The following PCDH9 variants were observed in gnomAD, a reference collection of about 807,000 sequenced individuals.
PCDH9 encodes the protein protocadherin 9.
In PCDH9, 24 loss-of-function variants were observed where a neutral mutation model predicts 70.6. That is an observed-to-expected ratio of 0.34 (90% CI 0.25 to 0.48). The LOEUF is 0.48. Ranked by LOEUF, PCDH9 falls within the 20% of genes least tolerant of loss-of-function variation. The pLI, the probability that PCDH9 is intolerant of heterozygous loss-of-function variation, is 0.99. For missense variants in PCDH9, 1,281 were observed against 1,503.6 expected, an observed-to-expected ratio of 0.85 and a Z score of 2.45; for synonymous variants, 562 against 558.5, an observed-to-expected ratio of 1.01 and a Z score of -0.09.
chr13:66,836,699 G>A (rs1335966943), intron 3 of PCDH9, among the ~76,000 whole-genome samples: 1 of 152,110 alleles, frequency 6.6e-6, no homozygotes, highest in Non-Finnish European at 1.5e-5. Flanking sequence ...GAGTTTCTAG[G>A]GCTTTGTGGA....
chr13:66,937,435 G>A (rs972803579), intron 2 of PCDH9, among the ~76,000 whole-genome samples: 1 of 152,200 alleles, frequency 6.6e-6, no homozygotes, highest in African/African-American at 2.4e-5. Flanking sequence ...ACTATTTGAA[G>A]TTATATATTT....
At chr13:66,850,695 C>G (rs943524799) in intron 3 of PCDH9, among the ~76,000 whole-genome samples, 3 of 152,056 alleles carry the variant, frequency 2.0e-5, no homozygotes, top group Non-Finnish European at 4.4e-5. Context: ...AAAATATATT[C>G]CAGTGATTAT....
At chr13:66,503,600 T>C (rs1233013100) in intron 4 of PCDH9, among the ~76,000 whole-genome samples, 1 of 152,224 alleles carries the variant, frequency 6.6e-6, no homozygotes, top group African/African-American at 2.4e-5. Context: ...CAATAATGTC[T>C]GGGTGAATTG....
intron 3 of PCDH9, among the ~76,000 whole-genome samples, chr13:66,812,679 T>A (rs1158329667): frequency 6.6e-6 from 1 of 152,206 alleles, no homozygotes. Context: ...CAATGTTGTT[T>A]CCATGAGCAG....
intron 2 of PCDH9, among the ~76,000 whole-genome samples, chr13:67,012,424 C>A (rs371617602): frequency 2.6e-5 from 4 of 151,668 alleles, no homozygotes; most frequent in Non-Finnish European, 5.9e-5. Flanking sequence ...TAAGTTATTA[C>A]CAACAATATT....
At chr13:66,452,031 T>C (rs911325836) in intron 4 of PCDH9, among the ~76,000 whole-genome samples, 2 of 152,160 alleles carry the variant, frequency 1.3e-5, no homozygotes, top group African/African-American at 2.4e-5. Context: ...TTCTTTTAGG[T>C]CTCCATGACA....
At chr13:66,995,996 G>A (rs1483823822) in intron 2 of PCDH9, among the ~76,000 whole-genome samples, 1 of 150,982 alleles carries the variant, frequency 6.6e-6, no homozygotes, top group Non-Finnish European at 1.5e-5. Flanking sequence ...CAATTAATTC[G>A]GCTGATGGGC....
intron 3 of PCDH9, among the ~76,000 whole-genome samples, chr13:66,865,255 G>A (rs2081553444): frequency 6.6e-6 from 1 of 152,002 alleles, no homozygotes; most frequent in East Asian, 1.9e-4. Flanking sequence ...ACTCATTATG[G>A]GCATTAATGG....
At chr13:66,697,700 T>C (rs2078582958) in intron 3 of PCDH9, among the ~76,000 whole-genome samples, 1 of 152,124 alleles carries the variant, frequency 6.6e-6, no homozygotes, top group Non-Finnish European at 1.5e-5. Context: ...GCAATGAAAT[T>C]GCCTCTATAG....
chr13:66,505,977 A>G (rs146487951), intron 4 of PCDH9, among the ~76,000 whole-genome samples: 15 of 152,202 alleles, frequency 9.9e-5, no homozygotes, highest in Admixed American at 2.6e-4. Context: ...ATCTCTGATA[A>G]GACACATTTA....
At chr13:66,817,330 T>C (rs770745278) in intron 3 of PCDH9, among the ~76,000 whole-genome samples, 1 of 152,142 alleles carries the variant, frequency 6.6e-6, no homozygotes, top group African/African-American at 2.4e-5. Flanking sequence ...TAAAGGATAC[T>C]ATTTTATTTA....
intron 3 of PCDH9, among the ~76,000 whole-genome samples, chr13:66,759,003 A>T (rs1596126): frequency 0.26 from 40,180 of 151,712 alleles, 5,844 homozygotes; most frequent in East Asian, 0.43. Context: ...TATGTATATG[A>T]ATCATCTTTT....
chr13:67,178,303 TG>T (rs1368621685), intron 2 of PCDH9, among the ~76,000 whole-genome samples: 1 of 152,054 alleles, frequency 6.6e-6, no homozygotes, highest in Non-Finnish European at 1.5e-5. Context: ...GTACAATGTT[TG>T]GCAAATCATT....
rs569908732 is a variant in PCDH9, at chr13:66,366,178, A to G, written c.3341-61150T>C. Among the ~76,000 whole-genome samples, 3 of 152,148 alleles carry G rather than the reference A, an allele frequency of 2.0e-5. No homozygotes were observed. In the East Asian group the frequency reaches 5.8e-4, roughly 29 times the overall value. ...GCTTTAGATTGAACCTAGATGATTTATTGGCTTCTTTTAATCCCATTAGTT... is the reference window on the plus strand; with the variant it reads ...GCTTTAGATTGAACCTAGATGATTTGTTGGCTTCTTTTAATCCCATTAGTT... On this transcript the variant is annotated intron_variant, in intron 4 of 4. Transcript: ENST00000377865.
At chr13:66,868,171 T>C (rs2081608759) in intron 3 of PCDH9, among the ~76,000 whole-genome samples, 1 of 152,032 alleles carries the variant, frequency 6.6e-6, no homozygotes, top group South Asian at 2.1e-4. Context: ...CTGAAACTGC[T>C]GCTAAAATGT....
chr13:66,385,687 T>C (rs1222931061), intron 4 of PCDH9, among the ~76,000 whole-genome samples: 1 of 152,344 alleles, frequency 6.6e-6, no homozygotes, highest in East Asian at 1.9e-4. Context: ...ATAGCTGTGC[T>C]AAAATGGTTA....
At position 66,449,455 on chromosome 13, in the gene PCDH9, C is replaced by T. The variant is rs1958163163; in HGVS notation, c.3341-144427G>A. 2.6e-5 allele frequency among the ~76,000 whole-genome samples: 4 copies of T among 152,168 alleles called. No homozygotes were observed. In the South Asian group the frequency reaches 8.3e-4, roughly 32 times the overall value. Reference sequence around the variant, plus strand: ...TTTTGAGAACAAACTATCATCTGGACTTGATATTTTGTTCTGCCACTCTTA... The same window carrying T: ...TTTTGAGAACAAACTATCATCTGGATTTGATATTTTGTTCTGCCACTCTTA... On this transcript the variant is annotated intron_variant, in intron 4 of 4. Transcript: ENST00000377865.
chr13:67,079,537 G>A (rs1302232747), intron 2 of PCDH9, among the ~76,000 whole-genome samples: 1 of 152,124 alleles, frequency 6.6e-6, no homozygotes, highest in African/African-American at 2.4e-5. Flanking sequence ...ATGGCATATA[G>A]CAGATGCTGA....
At chr13:66,651,217 A>T (rs1189135912) in intron 3 of PCDH9, among the ~76,000 whole-genome samples, 8 of 151,928 alleles carry the variant, frequency 5.3e-5, no homozygotes, top group Admixed American at 4.6e-4. Context: ...AGTACAATTG[A>T]TCAATCAAAC....
Sources: gnomAD v4.1 joint callset for allele counts (sites outside exome capture counted in the v4.1 genomes callset) on GRCh38, gnomAD v4.1.1 for gene constraint, MANE v1.5 for transcripts, NCBI Gene and HGNC (gene_info 2026-07-23, HGNC 2026-07-21) for gene names.